Variants in MIPEP observed in about 807,000 individuals in gnomAD.
The protein encoded by MIPEP is mitochondrial intermediate peptidase.
Under a neutral mutation model 90.3 loss-of-function variants are expected in MIPEP, and 79 were observed. The observed-to-expected ratio is 0.87, with a 90% CI of 0.73 to 1.05. The LOEUF is 1.05. MIPEP is among the 50% of genes least tolerant of loss of function. The pLI, the probability that MIPEP is intolerant of heterozygous loss-of-function variation, is 0.00. For missense variants in MIPEP, 940 were observed against 905.6 expected, an observed-to-expected ratio of 1.04 and a Z score of -0.49; for synonymous variants, 334 against 315.8, an observed-to-expected ratio of 1.06 and a Z score of -0.61.
rs114258716 is a variant in MIPEP at position 23,855,621 on chromosome 13, C to T, written c.1106+3239G>A. Among the ~76,000 whole-genome samples the T allele has an allele frequency of 9.8e-4, 149 of 152,266 alleles. 1 individual carries two copies. Among genetic ancestry groups the T allele is most frequent in the African/African-American group, 3.2e-3 (135 of 41,562 alleles). On this transcript the variant is annotated intron_variant, in intron 10 of 18. Transcript: ENST00000382172. ...TGATATTTTTCCTTTCTTTTCTCAT[C>T]CATTACCTGTGCGGCAGCCTCCTCT...
intron 14 of MIPEP, among the ~76,000 whole-genome samples, chr13:23,810,510 ACC>A (rs1393184286): frequency 6.6e-6 from 1 of 152,212 alleles, no homozygotes; most frequent in Admixed American, 6.5e-5. Context: ...ATTAGGCCTA[ACC>A]CTATAACATA....
At chr13:23,820,436 C>T (rs1953293312) in intron 14 of MIPEP, among the ~76,000 whole-genome samples, 1 of 152,188 alleles carries the variant, frequency 6.6e-6, no homozygotes, top group Non-Finnish European at 1.5e-5. Context: ...TCCCTCCACC[C>T]CATACATCTT....
At chr13:23,798,900 A>G (rs1197384696) in intron 16 of MIPEP, among the ~76,000 whole-genome samples, 1 of 151,846 alleles carries the variant, frequency 6.6e-6, no homozygotes, top group Non-Finnish European at 1.5e-5. Flanking sequence ...CGTATAAATT[A>G]CCCAGTCTCA....
intron 10 of MIPEP, among the ~76,000 whole-genome samples, chr13:23,851,089 T>C (rs1417234818): frequency 1.3e-5 from 2 of 152,138 alleles, no homozygotes; most frequent in Non-Finnish European, 2.9e-5. Context: ...AATTACTGAG[T>C]CCAGCAACAG....
chr13:23,866,654 G>A (rs1370840896), intron 7 of MIPEP, among the ~76,000 whole-genome samples: 1 of 152,164 alleles, frequency 6.6e-6, no homozygotes. Context: ...TTAACTAGCA[G>A]TTCCTCACAT....
intron 10 of MIPEP, chr13:23,842,710 C>G (rs1007938184): frequency 6.6e-6 from 1 of 152,458 alleles, no homozygotes; most frequent in Non-Finnish European, 1.5e-5. Flanking sequence ...GAAGCATGAA[C>G]GAATGAGCAC....
chr13:23,776,454 T>G (rs1674932669), intron 16 of MIPEP, among the ~76,000 whole-genome samples: 1 of 152,218 alleles, frequency 6.6e-6, no homozygotes, highest in African/African-American at 2.4e-5. Context: ...TGGTCATTTC[T>G]GACTCCACGA....
intron 10 of MIPEP, among the ~76,000 whole-genome samples, chr13:23,853,791 C>A (rs895108995): frequency 6.6e-6 from 1 of 151,866 alleles, no homozygotes; most frequent in Non-Finnish European, 1.5e-5. Flanking sequence ...TGGTCTTGAA[C>A]TCCTGACCTC....
chr13:23,884,489 AAAG>A (rs528202182), intron 2 of MIPEP, among the ~76,000 whole-genome samples: 105 of 152,322 alleles, frequency 6.9e-4, no homozygotes, highest in African/African-American at 2.2e-3. Flanking sequence ...GGAACAGGAG[AAAG>A]AAGAAGAGCT....
Position 23,740,509 on chromosome 13 carries a change from TA to T in MIPEP, c.2045-10065del, listed in dbSNP as rs368339635. On this transcript the variant is annotated intron_variant, in intron 18 of 18. Transcript: ENST00000382172. The stretch of plus-strand genomic sequence containing the variant: ...TCTTTCAAGAAGATTCCCAGTTGAT[TA>T]AAAAAAAAAATCAGTTCACCCGTTA... Among the ~76,000 whole-genome samples the T allele has an allele frequency of 3.4e-3, 499 of 148,410 alleles. 6 individuals carry two copies. Among genetic ancestry groups the T allele is most frequent in the African/African-American group, 0.011 (451 of 40,570 alleles).
At chr13:23,847,711 G>T (rs1869612920) in intron 10 of MIPEP, among the ~76,000 whole-genome samples, 1 of 152,144 alleles carries the variant, frequency 6.6e-6, no homozygotes, top group Admixed American at 6.5e-5. Context: ...TCACAGAAGG[G>T]TAATTATTTG....
chr13:23,828,184 T>C (rs1488440030), intron 14 of MIPEP, among the ~76,000 whole-genome samples: 1 of 152,100 alleles, frequency 6.6e-6, no homozygotes, highest in Non-Finnish European at 1.5e-5. Context: ...TAGAAAGGAA[T>C]TTCCTTTTCC....
intron 16 of MIPEP, among the ~76,000 whole-genome samples, chr13:23,777,714 T>C (rs1377644994): frequency 1.3e-5 from 2 of 152,254 alleles, no homozygotes; most frequent in Admixed American, 6.5e-5. Context: ...GCAGTAATCA[T>C]GTTTATTACT....
chr13:23,760,287 A>T, intron 16 of MIPEP, 70 bp from the exon 17 acceptor site: 3 of 1,601,540 alleles, frequency 1.9e-6, no homozygotes, highest in Non-Finnish European at 2.6e-6. Flanking sequence ...ACATGTGAGA[A>T]CACAGTGGAG....
At chr13:23,878,964 C>A (rs1005060224) in intron 4 of MIPEP, among the ~76,000 whole-genome samples, 3 of 152,160 alleles carry the variant, frequency 2.0e-5, no homozygotes, top group Admixed American at 2.0e-4. Context: ...AAGCCCTACC[C>A]TCAAGGAGCT....
intron 16 of MIPEP, among the ~76,000 whole-genome samples, chr13:23,789,676 A>T (rs1334725206): frequency 6.6e-6 from 1 of 152,208 alleles, no homozygotes; most frequent in African/African-American, 2.4e-5. Flanking sequence ...TCTATTTGGC[A>T]AGCTAACATA....
intron 16 of MIPEP, among the ~76,000 whole-genome samples, chr13:23,773,260 G>A (rs1198008090): frequency 2.6e-5 from 4 of 152,230 alleles, no homozygotes; most frequent in African/African-American, 4.8e-5. Context: ...TTGTCGCACC[G>A]AGCGTAATGT....
intron 12 of MIPEP, among the ~76,000 whole-genome samples, chr13:23,839,088 A>C (rs905224457): frequency 6.6e-5 from 10 of 152,244 alleles, no homozygotes; most frequent in Non-Finnish European, 1.3e-4. Flanking sequence ...GGCCAATGCT[A>C]AAGAAAAGGA....
At chr13:23,815,121 T>G (rs897291390) in intron 14 of MIPEP, among the ~76,000 whole-genome samples, 2 of 152,258 alleles carry the variant, frequency 1.3e-5, no homozygotes, top group Non-Finnish European at 2.9e-5. Context: ...CTACTACTGC[T>G]GCACTATATA....
Sources: gnomAD v4.1 joint callset for allele counts (sites outside exome capture counted in the v4.1 genomes callset) on GRCh38, gnomAD v4.1.1 for gene constraint, MANE v1.5 for transcripts, NCBI Gene and HGNC (gene_info 2026-07-23, HGNC 2026-07-21) for gene names.